Variants in HTR1F observed in about 807,000 individuals in gnomAD.
HTR1F encodes 5-hydroxytryptamine receptor 1F.
A neutral mutation model predicts 24.0 loss-of-function variants in HTR1F; 17 were observed. The ratio of observed to expected loss-of-function variants is 0.71; its 90% confidence interval spans 0.48 to 1.06. The LOEUF is 1.06. Among genes scored for constraint, HTR1F ranks in the 50% least tolerant of loss-of-function variants. HTR1F has a pLI of 0.00. For missense variants in HTR1F, 391 were observed against 427.8 expected (o/e 0.91, Z 0.76); for synonymous variants, 186 against 156.8 (o/e 1.19, Z -1.39).
chr3:87,946,930 A>G (rs372636467), intron 2 of HTR1F, among the ~76,000 whole-genome samples: 1 of 152,098 alleles, frequency 6.6e-6, no homozygotes, highest in Non-Finnish European at 1.5e-5. Context: ...CAGCCCATAT[A>G]TATTATTAAA....
At chr3:87,977,623 T>G (rs189762520) in intron 2 of HTR1F, among the ~76,000 whole-genome samples, 14 of 151,544 alleles carry the variant, frequency 9.2e-5, no homozygotes, top group East Asian at 5.9e-4. Flanking sequence ...AAGGTTCACC[T>G]TGTTAGCCAG....
chr3:87,913,166 T>C (rs1703818620), intron 2 of HTR1F, among the ~76,000 whole-genome samples: 1 of 151,986 alleles, frequency 6.6e-6, no homozygotes, highest in South Asian at 2.1e-4. Context: ...ACAGAATGGA[T>C]GAAAATTTTT....
intron 2 of HTR1F, among the ~76,000 whole-genome samples, chr3:87,866,817 TGC>T (rs10541375): frequency 0.31 from 46,120 of 147,184 alleles, 10,593 homozygotes; most frequent in African/African-American, 0.65. Flanking sequence ...CAAGTGTGCG[TGC>T]GTGTGTGTGT....
intron 2 of HTR1F, among the ~76,000 whole-genome samples, chr3:87,967,447 C>A (rs1175987511): frequency 1.3e-5 from 2 of 149,114 alleles, no homozygotes; most frequent in African/African-American, 5.0e-5. Flanking sequence ...GAAACTGTCT[C>A]AAAAAAAAAA....
intron 2 of HTR1F, among the ~76,000 whole-genome samples, chr3:87,866,030 T>C (rs114583915): frequency 2.4e-4 from 37 of 152,194 alleles, no homozygotes; most frequent in African/African-American, 8.4e-4. Flanking sequence ...TGCCAGAAAA[T>C]TTTTCCTGTC....
At chr3:87,903,074 G>A (rs1347899460) in intron 2 of HTR1F, among the ~76,000 whole-genome samples, 1 of 151,930 alleles carries the variant, frequency 6.6e-6, no homozygotes, top group Non-Finnish European at 1.5e-5. Context: ...CTAGCCATAT[G>A]TAGAAAGCTG....
chr3:87,811,648 T>C (rs868829732), intron 1 of HTR1F, among the ~76,000 whole-genome samples: 1 of 152,214 alleles, frequency 6.6e-6, no homozygotes, highest in Non-Finnish European at 1.5e-5. Flanking sequence ...GGAAAAGCCC[T>C]GATTCATGAA....
intron 2 of HTR1F, among the ~76,000 whole-genome samples, chr3:87,824,368 G>A (rs1320737637): frequency 3.9e-5 from 6 of 152,062 alleles, no homozygotes; most frequent in Non-Finnish European, 8.8e-5. Context: ...TTTAAAATGC[G>A]ACATGATTGG....
intron 2 of HTR1F, among the ~76,000 whole-genome samples, chr3:87,829,453 T>A (rs1704529807): frequency 6.6e-6 from 1 of 152,184 alleles, no homozygotes; most frequent in Non-Finnish European, 1.5e-5. Context: ...GAAATCCAAG[T>A]CCTCCAAATT....
chr3:87,907,186 T>G (rs1703684886), intron 2 of HTR1F, among the ~76,000 whole-genome samples: 5 of 130,066 alleles, frequency 3.8e-5, no homozygotes, highest in Admixed American at 3.8e-4. Flanking sequence ...ACCACATCTA[T>G]GCCAACATTT....
At chr3:87,967,414 C>T (rs911518002) in intron 2 of HTR1F, among the ~76,000 whole-genome samples, 3 of 151,014 alleles carry the variant, frequency 2.0e-5, no homozygotes, top group African/African-American at 7.3e-5. Context: ...TGTGCCACTA[C>T]ACTCCAGCCT....
At chr3:87,916,335 A>ACACAG (rs1172024178) in intron 2 of HTR1F, among the ~76,000 whole-genome samples, 2 of 148,062 alleles carry the variant, frequency 1.4e-5, no homozygotes, top group African/African-American at 2.5e-5. Flanking sequence ...AAAACAAGGT[A>ACACAG]CACAGGCAAC....
At chr3:87,962,025 C>T (rs1170339131) in intron 2 of HTR1F, among the ~76,000 whole-genome samples, 1 of 151,984 alleles carries the variant, frequency 6.6e-6, no homozygotes, top group African/African-American at 2.4e-5. Flanking sequence ...CTTTCATTTG[C>T]TAAACCAGGC....
intron 2 of HTR1F, among the ~76,000 whole-genome samples, chr3:87,927,340 A>G (rs1158527192): frequency 6.7e-6 from 1 of 148,406 alleles, no homozygotes; most frequent in African/African-American, 2.5e-5. Flanking sequence ...ACAGAAAAAT[A>G]TTTATTCGTC....
intron 2 of HTR1F, among the ~76,000 whole-genome samples, chr3:87,847,958 A>C (rs1704983724): frequency 6.6e-6 from 1 of 151,946 alleles, no homozygotes; most frequent in African/African-American, 2.4e-5. Context: ...TTGATTCCAT[A>C]TCTTTGCAAT....
At chr3:87,921,071 A>C (rs543806485) in intron 2 of HTR1F, among the ~76,000 whole-genome samples, 2 of 151,940 alleles carry the variant, frequency 1.3e-5, no homozygotes, top group Non-Finnish European at 2.9e-5. Flanking sequence ...TTTCATTATA[A>C]CTGGAGAAAT....
At chr3:87,955,890 T>C (rs529378279) in intron 2 of HTR1F, among the ~76,000 whole-genome samples, 1 of 151,588 alleles carries the variant, frequency 6.6e-6, no homozygotes, top group South Asian at 2.1e-4. Flanking sequence ...TTTTTTTAAA[T>C]GAGTTATTAG....
chr3:87,865,112 G>T (rs940184816), intron 2 of HTR1F, among the ~76,000 whole-genome samples: 1 of 151,964 alleles, frequency 6.6e-6, no homozygotes, highest in Non-Finnish European at 1.5e-5. Context: ...GAGTTATTTA[G>T]TCATACAGAA....
chr3:87,862,385 C>T (rs1228416715), intron 2 of HTR1F, among the ~76,000 whole-genome samples: 1 of 152,176 alleles, frequency 6.6e-6, no homozygotes, highest in African/African-American at 2.4e-5. Context: ...GATCAGTGAA[C>T]CCTCATGAAC....
Sources: allele counts gnomAD v4.1 joint callset (sites outside exome capture counted in the v4.1 genomes callset), GRCh38; gene constraint gnomAD v4.1.1; transcripts MANE v1.5; gene names NCBI Gene and HGNC (gene_info 2026-07-23, HGNC 2026-07-21).